Variants in MED14 observed in about 807,000 individuals in gnomAD.
MED14 encodes the protein mediator complex subunit 14.
In MED14, 8 loss-of-function variants were observed where a neutral mutation model predicts 109.0. The observed-to-expected ratio is 0.07, with a 90% CI of 0.04 to 0.13. The LOEUF is 0.13. Among genes scored for constraint, MED14 ranks in the 10% least tolerant of loss-of-function variants. The pLI is 1.00. For synonymous variants in MED14, 399 were observed against 408.7 expected, an observed-to-expected ratio of 0.98 and a Z score of 0.29; for missense variants, 711 against 1,142.4, an observed-to-expected ratio of 0.62 and a Z score of 5.44.
At chrX:40,702,504 G>A (rs918878476) in intron 11 of MED14, among the ~76,000 whole-genome samples, 27 of 109,829 alleles carry the variant, frequency 2.5e-4, no homozygotes, top group African/African-American at 6.3e-4. Context: ...CCGCCACCAC[G>A]TCTGGCTAAT....
intron 23 of MED14, among the ~76,000 whole-genome samples, chrX:40,669,065 T>C (rs991735141): frequency 9.8e-5 from 11 of 112,096 alleles, no homozygotes; most frequent in Non-Finnish European, 1.9e-4. Context: ...TTTAGCTGTA[T>C]GATCTGGACA....
chrX:40,704,952 C>CAAA (rs748275137), intron 10 of MED14, among the ~76,000 whole-genome samples: 1 of 109,781 alleles, frequency 9.1e-6, no homozygotes, highest in African/African-American at 3.3e-5. Context: ...TTCCAAAACC[C>CAAA]AAAAAAAATC....
At chrX:40,693,952 C>T (rs1423563669) in intron 13 of MED14, among the ~76,000 whole-genome samples, 1 of 111,246 alleles carries the variant, frequency 9.0e-6, no homozygotes, top group Non-Finnish European at 1.9e-5. Context: ...AGCTGGAGTG[C>T]AGTGGCACAA....
At chrX:40,706,192 T>C (rs1327451011) in intron 10 of MED14, among the ~76,000 whole-genome samples, 1 of 111,627 alleles carries the variant, frequency 9.0e-6, no homozygotes, top group Non-Finnish European at 1.9e-5. Flanking sequence ...TAATAAAGCA[T>C]GCTCGCCCAT....
At chrX:40,703,018 C>T (rs903114713) in intron 11 of MED14, among the ~76,000 whole-genome samples, 2 of 111,884 alleles carry the variant, frequency 1.8e-5, no homozygotes, top group Non-Finnish European at 3.8e-5. Flanking sequence ...AAAAAAAAAT[C>T]CTTTCCTCCA....
intron 3 of MED14, among the ~76,000 whole-genome samples, chrX:40,726,076 C>T (rs1931884826): frequency 8.9e-6 from 1 of 111,891 alleles, no homozygotes; most frequent in South Asian, 3.7e-4. Flanking sequence ...CTCCTTAACG[C>T]TTCTTGAACA....
At chrX:40,702,010 G>A (rs1180502650) in intron 11 of MED14, among the ~76,000 whole-genome samples, 1 of 111,443 alleles carries the variant, frequency 9.0e-6, no homozygotes, top group East Asian at 2.8e-4. Flanking sequence ...ACGGATGCCA[G>A]AGAAGTCGCT....
chrX:40,706,893 T>C (rs934963947), intron 10 of MED14, among the ~76,000 whole-genome samples: 1 of 112,148 alleles, frequency 8.9e-6, no homozygotes, highest in African/African-American at 3.2e-5. Flanking sequence ...AAACTCCCTA[T>C]TTTCTGGAAT....
At chrX:40,693,011 T>TAA (rs1363062601) in intron 13 of MED14, 109 bp from the exon 14 acceptor site, 48 of 395,613 alleles carry the variant, frequency 1.2e-4, no homozygotes, top group South Asian at 5.6e-4. Flanking sequence ...GTAGATGTCT[T>TAA]AAAAAAAAAA....
chrX:40,675,678 T>TAA (rs1255374830), intron 21 of MED14, among the ~76,000 whole-genome samples: 1 of 112,036 alleles, frequency 8.9e-6, no homozygotes, highest in African/African-American at 3.2e-5. Context: ...GAAATGGGGG[T>TAA]AAAAAATGAA....
intron 3 of MED14, among the ~76,000 whole-genome samples, chrX:40,723,811 A>C (rs997609431): frequency 1.8e-5 from 2 of 111,226 alleles, no homozygotes; most frequent in African/African-American, 6.5e-5. Context: ...AACAATGAGA[A>C]AACAACAAAA....
At chrX:40,727,590 C>T (rs1931934317) in intron 2 of MED14, among the ~76,000 whole-genome samples, 1 of 111,758 alleles carries the variant, frequency 8.9e-6, no homozygotes, top group African/African-American at 3.3e-5. Context: ...TTACTAATGT[C>T]AATCAACGTG....
At chrX:40,683,721 C>T (rs985761155) in intron 16 of MED14, among the ~76,000 whole-genome samples, 1 of 111,646 alleles carries the variant, frequency 9.0e-6, no homozygotes, top group Non-Finnish European at 1.9e-5. Flanking sequence ...GACTGAATAA[C>T]CATGATAAAA....
intron 11 of MED14, 111 bp downstream of exon 11, chrX:40,703,333 C>CA: frequency 1.5e-6 from 1 of 645,440 alleles, no homozygotes; most frequent in Non-Finnish European, 2.3e-6. Flanking sequence ...TACCCACTTT[C>CA]AACACTGCAT....
At chrX:40,702,341 G>GTTTT (rs1384806028) in intron 11 of MED14, among the ~76,000 whole-genome samples, 2 of 83,728 alleles carry the variant, frequency 2.4e-5, no homozygotes, top group African/African-American at 6.1e-5. Context: ...TTAAATATAA[G>GTTTT]TTTTGTTTTT....
chrX:40,689,265 C>T (rs753072020), intron 15 of MED14, among the ~76,000 whole-genome samples: 2 of 111,981 alleles, frequency 1.8e-5, no homozygotes, highest in Non-Finnish European at 3.8e-5. Context: ...TTTGAGTGAG[C>T]CCTGCTCTTT....
In MED14 at chrX:40,659,443, T is replaced by C; in HGVS notation, c.3849A>G (p.Lys1283=). Residue 1283 remains lysine (K), a synonymous_variant, in exon 27 of 31, where the codon AAA becomes AAG. Coordinates refer to ENST00000324817, the MANE Select transcript of MED14 (RefSeq NM_004229.4). ...WKPDELQVLE[K]FFETRVAGPP... ...AAACACATACTCTTGTTTCAAAGAATTTCTCCAAAACTTGAAGTTCATCAG... is the reference window on the plus strand; with the variant it reads ...AAACACATACTCTTGTTTCAAAGAACTTCTCCAAAACTTGAAGTTCATCAG... 2 of 1,209,278 alleles carry C rather than the reference T, an allele frequency of 1.7e-6. No individual in the cohort carries two copies. Among genetic ancestry groups the C allele is most frequent in the Non-Finnish European group, 2.2e-6 (2 of 894,349 alleles).
Position 40,649,683 on chromosome X carries a change from A to G in MED14, c.*2123T>C. 1 of 908,349 alleles carries G rather than the reference A, an allele frequency of 1.1e-6. No individual in the cohort carries two copies. Among genetic ancestry groups the G allele is most frequent in the Non-Finnish European group, 1.4e-6 (1 of 725,977 alleles). 74.9% of individuals were successfully genotyped at this position (908,349 alleles called of 1,213,427 possible). Reference sequence around the variant, plus strand: ...TCCCCTTGATCGAACCTGGGTAACAAAAGAGGCAAAAGACATGATTTGTGA... The same window carrying G: ...TCCCCTTGATCGAACCTGGGTAACAGAAGAGGCAAAAGACATGATTTGTGA... On this transcript the variant is annotated 3_prime_UTR_variant, in exon 31 of 31. Coordinates refer to ENST00000324817, the MANE Select transcript of MED14 (RefSeq NM_004229.4).
At chrX:40,662,848 T>C in intron 26 of MED14, 77 bp downstream of exon 26, 1 of 759,982 alleles carries the variant, frequency 1.3e-6, no homozygotes, top group East Asian at 3.5e-5. Flanking sequence ...TCACGTTAGT[T>C]CAGATCCTAT....
Sources: allele counts gnomAD v4.1 joint callset (sites outside exome capture counted in the v4.1 genomes callset), GRCh38; gene constraint gnomAD v4.1.1; transcripts MANE v1.5; gene names NCBI Gene and HGNC (gene_info 2026-07-23, HGNC 2026-07-21).